PTPRS: variants seen among roughly 807,000 people sequenced by gnomAD.
The protein encoded by PTPRS is protein tyrosine phosphatase receptor type S.
A neutral mutation model predicts 215.3 loss-of-function variants in PTPRS; 63 were observed. The ratio of observed to expected loss-of-function variants is 0.29; its 90% CI spans 0.24 to 0.36. PTPRS has a LOEUF of 0.36. Among genes scored for constraint, PTPRS ranks in the 10% least tolerant of loss-of-function variants. PTPRS has a pLI of 1.00. For synonymous variants in PTPRS, 1,404 were observed against 1,191.4 expected, an observed-to-expected ratio of 1.18 and a Z score of -3.68; for missense variants, 2,258 against 2,825.8, an observed-to-expected ratio of 0.80 and a Z score of 4.56.
At chr19:5,235,606 A>G (rs1403140338) in intron 13 of PTPRS, among the ~76,000 whole-genome samples, 3 of 152,198 alleles carry the variant, frequency 2.0e-5, no homozygotes, top group Admixed American at 1.3e-4. Flanking sequence ...TTGCAGAACA[A>G]TAATTGTTGC....
chr19:5,282,009 C>T (rs1238522241), intron 2 of PTPRS, among the ~76,000 whole-genome samples: 1 of 152,136 alleles, frequency 6.6e-6, no homozygotes, highest in Admixed American at 6.6e-5. Flanking sequence ...GGTCAGGAGT[C>T]CCTTATGCCC....
chr19:5,248,341 A>T (rs1050584430), intron 9 of PTPRS, among the ~76,000 whole-genome samples: 28 of 151,958 alleles, frequency 1.8e-4, no homozygotes, highest in African/African-American at 6.8e-4. Context: ...AAACAAACAA[A>T]CGAAAAAACT....
intron 13 of PTPRS, among the ~76,000 whole-genome samples, chr19:5,235,176 G>A (rs1164057683): frequency 6.6e-6 from 1 of 151,984 alleles, no homozygotes; most frequent in Admixed American, 6.5e-5. Context: ...TCCTGACCTC[G>A]TGATCCGCCC....
chr19:5,315,672 T>G (rs1410644523), intron 1 of PTPRS, among the ~76,000 whole-genome samples: 2 of 149,676 alleles, frequency 1.3e-5, no homozygotes, highest in Middle Eastern at 3.3e-3. Context: ...GCTAGTTTTT[T>G]GCAGAGATGG....
At chr19:5,220,495 C>T in intron 20 of PTPRS, 142 bp from the exon 21 acceptor site, 2 of 719,298 alleles carry the variant, frequency 2.8e-6, no homozygotes, top group Non-Finnish European at 4.7e-6. Context: ...GCCCCATCCA[C>T]AAACGCCACA....
intron 12 of PTPRS, 61 bp downstream of exon 12, chr19:5,240,138 A>G (rs1335599576): frequency 2.8e-6 from 4 of 1,432,174 alleles, no homozygotes; most frequent in Admixed American, 5.3e-5. Flanking sequence ...CAAGGCGGGC[A>G]GCGTCAGAGA....
At chr19:5,305,750 T>A (rs191767450) in intron 1 of PTPRS, among the ~76,000 whole-genome samples, 129 of 102,754 alleles carry the variant, frequency 1.3e-3, no homozygotes, top group African/African-American at 2.6e-3. Context: ...TAAATAAATA[T>A]ATATATATAT....
chr19:5,322,083 C>G (rs2050038066), intron 1 of PTPRS, among the ~76,000 whole-genome samples: 1 of 152,212 alleles, frequency 6.6e-6, no homozygotes, highest in Admixed American at 6.5e-5. Flanking sequence ...ACACAGCCGG[C>G]AAGAGGCAGC....
rs1346850495 is a variant in PTPRS at position 5,244,237 on chromosome 19, G to A, written c.1234C>T (p.Pro412Ser). Residue 412 changes from proline (P) to serine (S), a missense_variant, in exon 11 of 38, where the codon CCC (proline) becomes TCC (serine). Pro to Ser is a moderately conservative substitution (Grantham distance 74). Around this residue, in one of 6 missense-constraint regions of PTPRS, gnomAD observed 508 missense variants for 799.4 expected, o/e 0.64. Coordinates refer to ENST00000262963, the MANE Select transcript of PTPRS (RefSeq NM_002850.4). This position sits in a 1 kb window ranked among gnomAD's most constrained non-coding sequence, Gnocchi z 7.2. The stretch of plus-strand genomic sequence containing the variant: ...CGGGTGACCACGGACTCGCTGGGGG[G>A]CCCCTGGCCGATGGAGTTGACGGCC... ...VSAVNSIGQG[P>S]PSESVVTRTG... is the part of the protein sequence containing the mutation. 3.1e-6 allele frequency: 5 copies of A among 1,612,542 alleles called. No individual in the cohort carries two copies. Among genetic ancestry groups the A allele is most frequent in the East Asian group, 2.2e-5 (1 of 44,868 alleles).
intron 17 of PTPRS, among the ~76,000 whole-genome samples, chr19:5,223,526 G>A (rs1001915076): frequency 6.6e-6 from 1 of 151,156 alleles, no homozygotes; most frequent in Non-Finnish European, 1.5e-5. Flanking sequence ...AAAGTGCTAG[G>A]ATTATAAGGC....
At position 5,240,179 on chromosome 19, in the gene PTPRS, C is replaced by A; in HGVS notation, c.1704+20G>T. 6.6e-7 allele frequency: 1 copy of A among 1,512,770 alleles called. No homozygotes were observed. Among genetic ancestry groups the A allele is most frequent in the Non-Finnish European group, 8.9e-7 (1 of 1,128,864 alleles). The allele number at this position is 1,512,770 out of a possible 1,614,324, so 93.7% of individuals were successfully genotyped here. Reference sequence around the variant, plus strand: ...GGGGAGGAGCCCAGGGCAGGCCAGCCCGTCCCCGCGCTGCCTCACCTCCCG... The same window carrying A: ...GGGGAGGAGCCCAGGGCAGGCCAGCACGTCCCCGCGCTGCCTCACCTCCCG... On this transcript the variant is annotated intron_variant, in intron 12 of 37. Coordinates refer to ENST00000262963, the MANE Select transcript of PTPRS (RefSeq NM_002850.4).
At position 5,214,366 on chromosome 19, in the gene PTPRS, G is replaced by T; in HGVS notation, c.4609C>A (p.His1537Asn). 6.2e-7 allele frequency: 1 copy of T among 1,614,096 alleles called. No homozygotes were observed. Among genetic ancestry groups the T allele is most frequent in the African/African-American group, 1.3e-5 (1 of 75,064 alleles). Residue 1537 changes from histidine (H) to asparagine (N), a missense_variant, in exon 30 of 38, where the codon CAC (histidine) becomes AAC (asparagine). His to Asn is a moderately conservative substitution (Grantham distance 68). This residue lies in a region of PTPRS where 927 missense variants were observed against 1,125.9 expected (regional missense o/e 0.82). Coordinates refer to ENST00000262963, the MANE Select transcript of PTPRS (RefSeq NM_002850.4). The stretch of plus-strand genomic sequence containing the variant: ...AGCCCCAGCCTGGGCCCCACCTTGT[G>T]CAGAGAGAATGTCCTGACGCAGAAT... ...ATFCVRTFSL[H>N]KNGSSEKREV...
intron 1 of PTPRS, among the ~76,000 whole-genome samples, chr19:5,310,666 A>G (rs1260760507): frequency 6.6e-6 from 1 of 151,472 alleles, no homozygotes; most frequent in Admixed American, 6.6e-5. Flanking sequence ...CTTAACACAT[A>G]TTTAATCTAT....
rs932682413 is a variant in PTPRS at position 5,287,760 on chromosome 19, G to A, written c.-94-1526C>T. Reference sequence around the variant, plus strand: ...CTAGGGTGACGAACGGGATTCGGGGGGCCTCAGTGTACATAGTTAGGCCAC... The same window carrying A: ...CTAGGGTGACGAACGGGATTCGGGGAGCCTCAGTGTACATAGTTAGGCCAC... On this transcript the variant is annotated intron_variant, in intron 1 of 37. Coordinates refer to ENST00000262963, the MANE Select transcript of PTPRS (RefSeq NM_002850.4). This position sits in a 1 kb window ranked among gnomAD's most constrained non-coding sequence, Gnocchi z 4.8. 1.3e-5 allele frequency among the ~76,000 whole-genome samples: 2 copies of A among 152,014 alleles called. No individual in the cohort carries two copies. The highest frequency in any genetic ancestry group is 4.2e-4 in the South Asian group (2 of 4,808).
At chr19:5,300,981 C>T (rs774392478) in intron 1 of PTPRS, among the ~76,000 whole-genome samples, 1 of 152,188 alleles carries the variant, frequency 6.6e-6, no homozygotes, top group East Asian at 1.9e-4. Context: ...TGGGCAGCCA[C>T]GTTAGGGTAT....
intron 1 of PTPRS, among the ~76,000 whole-genome samples, chr19:5,335,072 C>A (rs2050450396): frequency 6.6e-6 from 1 of 152,196 alleles, no homozygotes; most frequent in Non-Finnish European, 1.5e-5. Flanking sequence ...TGAATTTCCG[C>A]AAACTCTCAA....
chr19:5,271,999 T>G (rs1211918548), intron 4 of PTPRS, among the ~76,000 whole-genome samples: 1 of 152,152 alleles, frequency 6.6e-6, no homozygotes, highest in Non-Finnish European at 1.5e-5. Context: ...GTGCTGGGAT[T>G]ACAGATGTTT....
chr19:5,274,161 G>A (rs2146599055), intron 3 of PTPRS, 38 bp downstream of exon 3: 1 of 1,586,198 alleles, frequency 6.3e-7, no homozygotes, highest in Admixed American at 1.7e-5. Context: ...CCTTGGGGGA[G>A]CATTGACCCC....
At chr19:5,299,312 C>G (rs563015512) in intron 1 of PTPRS, among the ~76,000 whole-genome samples, 1 of 152,388 alleles carries the variant, frequency 6.6e-6, no homozygotes, top group Admixed American at 6.5e-5. Context: ...GCTACATGGG[C>G]CTCCTCGCTG....
Sources: gnomAD v4.1 joint callset for allele counts (sites outside exome capture counted in the v4.1 genomes callset) on GRCh38, gnomAD v4.1.1 for gene constraint, gnomAD v4.1.1 regional missense constraint, Gnocchi (gnomAD v3.1) non-coding constraint, MANE v1.5 for transcripts, NCBI Gene and HGNC (gene_info 2026-07-23, HGNC 2026-07-21) for gene names.